Variants in KAZN observed in about 807,000 individuals in gnomAD.
KAZN encodes kazrin.
In KAZN, 40 loss-of-function variants were observed where a neutral mutation model predicts 87.4. The ratio of observed to expected loss-of-function variants is 0.46; its 90% CI spans 0.36 to 0.60. KAZN has a LOEUF of 0.60. Ranked by LOEUF, KAZN falls within the 20% of genes least tolerant of loss-of-function variation. KAZN has a pLI of 0.00. For missense variants in KAZN, 898 were observed against 1,073.9 expected (o/e 0.84, Z 2.29); for synonymous variants, 466 against 458.3 (o/e 1.02, Z -0.22).
At chr1:14,953,835 G>C (rs1159426773) in intron 1 of KAZN, among the ~76,000 whole-genome samples, 1 of 152,168 alleles carries the variant, frequency 6.6e-6, no homozygotes, top group Admixed American at 6.5e-5. Context: ...GGTGGAGAAA[G>C]AGGTAAAGCC....
chr1:14,807,172 C>A (rs804136), intron 1 of KAZN, among the ~76,000 whole-genome samples: 104,831 of 152,016 alleles, frequency 0.69, 36,398 homozygotes, highest in African/African-American at 0.77. Context: ...CAGGCACAAC[C>A]TGGTTTCAGG....
intron 2 of KAZN, among the ~76,000 whole-genome samples, chr1:15,006,405 T>A (rs924731816): frequency 3.9e-5 from 6 of 152,128 alleles, no homozygotes; most frequent in Non-Finnish European, 8.8e-5. Context: ...TGGATTGGAC[T>A]GGATGGGAGC....
rs70997150 is a variant in KAZN, at chr1:14,497,335, TAAAAAAAAAAAA to T, written c.250-101631_250-101620del. On this transcript the variant is annotated intron_variant, in intron 2 of 16. Transcript: ENST00000636203. ...TCTATGCTTTACTTAATTCTGTTAC[TAAAAAAAAAAAA>T]AAAAAAAAAAAAAAAAGATCTTTTT... is the stretch of plus-strand genomic sequence containing the variant. 2.4e-4 allele frequency among the ~76,000 whole-genome samples: 18 copies of T among 76,450 alleles called. No individual in the cohort carries two copies. The East Asian group carries it at 9.8e-3, about 42-fold the overall frequency. The allele number at this position is 76,450 out of a possible 152,430, so 50.2% of individuals were successfully genotyped here.
At chr1:14,877,417 A>G (rs1290673714) in intron 1 of KAZN, among the ~76,000 whole-genome samples, 1 of 152,240 alleles carries the variant, frequency 6.6e-6, no homozygotes, top group Non-Finnish European at 1.5e-5. Context: ...GATAGGGTGC[A>G]TGATAGACAT....
At chr1:14,956,187 G>T (rs531477851) in intron 1 of KAZN, among the ~76,000 whole-genome samples, 9 of 151,734 alleles carry the variant, frequency 5.9e-5, no homozygotes, top group Non-Finnish European at 1.2e-4. Flanking sequence ...CAAGGCCCCG[G>T]CCAGGCCTGG....
At chr1:14,706,519 A>C (rs1398871198) in intron 1 of KAZN, among the ~76,000 whole-genome samples, 1 of 152,210 alleles carries the variant, frequency 6.6e-6, no homozygotes, top group Non-Finnish European at 1.5e-5. Flanking sequence ...ATTTGAGATG[A>C]TGGATATGCT....
At chr1:14,538,443 G>A (rs1227030435) in intron 2 of KAZN, among the ~76,000 whole-genome samples, 1 of 152,172 alleles carries the variant, frequency 6.6e-6, no homozygotes, top group African/African-American at 2.4e-5. Flanking sequence ...CAGTTGTGGA[G>A]GCTGGAAAGT....
chr1:14,982,969 G>A (rs1045825555), intron 2 of KAZN, among the ~76,000 whole-genome samples: 3 of 152,322 alleles, frequency 2.0e-5, no homozygotes, highest in Admixed American at 1.3e-4. Context: ...CTCCTCCTTG[G>A]AGCAATGTTG....
At chr1:14,164,013 A>G (rs1328900543) in intron 1 of KAZN, among the ~76,000 whole-genome samples, 2 of 152,228 alleles carry the variant, frequency 1.3e-5, no homozygotes, top group African/African-American at 4.8e-5. Flanking sequence ...GACGTCCTCC[A>G]GCTTCTGCCC....
At chr1:14,392,264 A>G (rs1478827695) in intron 2 of KAZN, among the ~76,000 whole-genome samples, 2 of 152,186 alleles carry the variant, frequency 1.3e-5, no homozygotes, top group East Asian at 3.8e-4. Context: ...AGAAAAGGTA[A>G]GTGTATATGG....
intron 2 of KAZN, among the ~76,000 whole-genome samples, chr1:14,422,512 TA>T (rs1665491082): frequency 1.3e-5 from 2 of 152,210 alleles, no homozygotes; most frequent in African/African-American, 4.8e-5. Context: ...CAGTCATTTG[TA>T]TTTTATTTCT....
intron 1 of KAZN, among the ~76,000 whole-genome samples, chr1:14,950,191 T>C (rs1328886919): frequency 6.6e-6 from 1 of 151,924 alleles, no homozygotes; most frequent in African/African-American, 2.4e-5. Flanking sequence ...CTTCTCCTAT[T>C]TGGGGATTGC....
intron 2 of KAZN, among the ~76,000 whole-genome samples, chr1:14,372,560 A>G (rs1372580374): frequency 6.6e-6 from 1 of 152,234 alleles, no homozygotes; most frequent in East Asian, 1.9e-4. Flanking sequence ...GTCCCCGTGC[A>G]TTAGCACATG....
intron 2 of KAZN, among the ~76,000 whole-genome samples, chr1:14,195,420 T>TATGGTAGAG (rs1646506351): frequency 6.6e-6 from 1 of 152,010 alleles, no homozygotes; most frequent in South Asian, 2.1e-4. Flanking sequence ...CCAGAGAGAA[T>TATGGTAGAG]ATGGTAGAGG....
intron 10 of KAZN, among the ~76,000 whole-genome samples, chr1:15,098,827 C>T (rs1036316071): frequency 6.6e-6 from 1 of 152,254 alleles, no homozygotes; most frequent in Non-Finnish European, 1.5e-5. Context: ...GCTCTGTCAT[C>T]CACACATTCG....
At chr1:15,005,205 G>A (rs1417579130) in intron 2 of KAZN, among the ~76,000 whole-genome samples, 2 of 150,106 alleles carry the variant, frequency 1.3e-5, no homozygotes, top group African/African-American at 4.9e-5. Flanking sequence ...GTTTTATTTG[G>A]AAAAAAAAAC....
At chr1:13,926,842 A>G (rs1372398193) in intron 1 of KAZN, among the ~76,000 whole-genome samples, 1 of 152,154 alleles carries the variant, frequency 6.6e-6, no homozygotes, top group Non-Finnish European at 1.5e-5. Context: ...TAGGGCTTCA[A>G]AGGGAATAGC....
intron 1 of KAZN, among the ~76,000 whole-genome samples, chr1:14,806,422 T>C (rs1646224665): frequency 6.6e-6 from 1 of 152,228 alleles, no homozygotes; most frequent in Non-Finnish European, 1.5e-5. Flanking sequence ...CCTGGCAAGA[T>C]GCTGAATTAT....
chr1:15,047,603 T>C (rs938820190), intron 4 of KAZN, among the ~76,000 whole-genome samples: 1 of 152,086 alleles, frequency 6.6e-6, no homozygotes, highest in African/African-American at 2.4e-5. Context: ...AAACCCTGAT[T>C]CAACTGAAAA....
Sources: gnomAD v4.1 joint callset for allele counts (sites outside exome capture counted in the v4.1 genomes callset) on GRCh38, gnomAD v4.1.1 for gene constraint, MANE v1.5 for transcripts, NCBI Gene and HGNC (gene_info 2026-07-23, HGNC 2026-07-21) for gene names.